SHROOM2: variants seen among roughly 807,000 people sequenced by gnomAD.
The protein encoded by SHROOM2 is protein Shroom2.
Under a neutral mutation model 75.9 loss-of-function variants are expected in SHROOM2, and 33 were observed. The observed-to-expected ratio is 0.43, with a 90% confidence interval of 0.33 to 0.58. SHROOM2 has a LOEUF of 0.58. Among genes scored for constraint, SHROOM2 ranks in the 20% least tolerant of loss-of-function variants. The pLI is 0.04. For missense variants in SHROOM2, 1,434 were observed against 1,461.2 expected, an observed-to-expected ratio of 0.98 and a Z score of 0.30; for synonymous variants, 655 against 663.6, an observed-to-expected ratio of 0.99 and a Z score of 0.20.
intron 1 of SHROOM2, among the ~76,000 whole-genome samples, chrX:9,872,852 A>G (rs747649360): frequency 8.9e-6 from 1 of 112,380 alleles, no homozygotes; most frequent in African/African-American, 3.2e-5. Context: ...TGTAGTTATC[A>G]TAGGGCGCAG....
At chrX:9,821,505 A>G (rs753255027) in intron 1 of SHROOM2, among the ~76,000 whole-genome samples, 42 of 111,169 alleles carry the variant, frequency 3.8e-4, no homozygotes, top group African/African-American at 1.3e-3. Context: ...TGCCCCTGGT[A>G]CCTGGTCTGG....
chrX:9,848,675 C>T (rs764987273), intron 1 of SHROOM2, among the ~76,000 whole-genome samples: 4 of 110,607 alleles, frequency 3.6e-5, no homozygotes, highest in Non-Finnish European at 7.6e-5. Flanking sequence ...AGCCATGCAG[C>T]CCTAAGCATG....
At chrX:9,840,978 G>A (rs2083976318) in intron 1 of SHROOM2, among the ~76,000 whole-genome samples, 1 of 111,955 alleles carries the variant, frequency 8.9e-6, no homozygotes, top group Non-Finnish European at 1.9e-5. Context: ...TTTTGAGAGG[G>A]AGTCTTGCTG....
chrX:9,791,461 C>T (rs200249706), intron 1 of SHROOM2, among the ~76,000 whole-genome samples: 1 of 112,065 alleles, frequency 8.9e-6, no homozygotes, highest in East Asian at 2.8e-4. Context: ...TTCTTGCACA[C>T]CGGGTGCAGC....
chrX:9,931,696 A>G (rs1330048432), intron 5 of SHROOM2, among the ~76,000 whole-genome samples: 1 of 111,373 alleles, frequency 9.0e-6, no homozygotes, highest in Non-Finnish European at 1.9e-5. Context: ...CTGATTTTCA[A>G]GGTTTTATTA....
intron 1 of SHROOM2, among the ~76,000 whole-genome samples, chrX:9,837,094 C>T (rs1003584445): frequency 4.4e-5 from 5 of 112,561 alleles, no homozygotes; most frequent in Non-Finnish European, 7.5e-5. Context: ...GCAGACTGAC[C>T]GCATGGTGCT....
intron 1 of SHROOM2, among the ~76,000 whole-genome samples, chrX:9,822,743 A>G (rs2083859480): frequency 8.9e-6 from 1 of 112,095 alleles, no homozygotes; most frequent in Admixed American, 9.4e-5. Context: ...AATCTGGTGC[A>G]GACCAGCTCC....
At chrX:9,802,925 C>CTTTTTTTTT (rs764750698) in intron 1 of SHROOM2, among the ~76,000 whole-genome samples, 44 of 86,775 alleles carry the variant, frequency 5.1e-4, no homozygotes, top group African/African-American at 1.9e-3. Flanking sequence ...CTGCAGATTT[C>CTTTTTTTTT]TTTTTTTTTT....
chrX:9,926,678 TG>T (rs2084597022), intron 5 of SHROOM2, among the ~76,000 whole-genome samples: 1 of 111,681 alleles, frequency 9.0e-6, no homozygotes, highest in South Asian at 3.8e-4. Flanking sequence ...TGCACATGGG[TG>T]GCAGAGAGAC....
At chrX:9,874,922 T>G in intron 2 of SHROOM2, among the ~76,000 whole-genome samples, 1 of 104,197 alleles carries the variant, frequency 9.6e-6, no homozygotes. Context: ...CTCAAAAAAT[T>G]TTTTTTTAAT....
At chrX:9,801,073 G>T (rs1930635401) in intron 1 of SHROOM2, among the ~76,000 whole-genome samples, 1 of 111,736 alleles carries the variant, frequency 8.9e-6, no homozygotes, top group African/African-American at 3.3e-5. Context: ...AGTTCCATGT[G>T]GCTGGGGAGG....
At chrX:9,934,639 T>C (rs760826136) in intron 6 of SHROOM2, among the ~76,000 whole-genome samples, 44 of 111,460 alleles carry the variant, frequency 3.9e-4, no homozygotes, top group Middle Eastern at 4.6e-3. Context: ...TATTTTGAAG[T>C]CAAGGCTCGT....
rs2147017796 is a variant in SHROOM2 at position 9,895,716 on chromosome X, A to G, written c.1808A>G (p.Glu603Gly). ...EGKRRPESSP[E>G]DSATRPPPFD... The stretch of plus-strand genomic sequence containing the variant: ...AAGCGCCGGCCTGAGAGCAGTCCAG[A>G]GGACAGCGCCACCAGACCGCCACCG... Residue 603 changes from glutamate (E) to glycine (G), a missense_variant, in exon 4 of 10, where the codon GAG becomes GGG. Physicochemically the swap from Glu to Gly is moderately conservative, Grantham distance 98. Coordinates refer to ENST00000380913, the MANE Select transcript of SHROOM2 (RefSeq NM_001649.4). 1.7e-6 allele frequency: 2 copies of G among 1,194,002 alleles called. No individual in the cohort carries two copies. Among genetic ancestry groups the G allele is most frequent in the Non-Finnish European group, 2.3e-6 (2 of 888,223 alleles).
chrX:9,842,252 T>A (rs1044383751), intron 1 of SHROOM2, among the ~76,000 whole-genome samples: 2 of 112,628 alleles, frequency 1.8e-5, no homozygotes, highest in African/African-American at 3.2e-5. Flanking sequence ...TAACTTGTTG[T>A]TTTACTTCAC....
chrX:9,932,148 A>G lies in SHROOM2; in HGVS notation c.2892-27A>G, dbSNP rs372807234. The G allele has an allele frequency of 9.0e-5, 99 of 1,098,958 alleles. No homozygotes were observed. In the African/African-American group the frequency reaches 1.7e-3, roughly 19 times the overall value. The allele number at this position is 1,098,958 out of a possible 1,213,427, so 90.6% of individuals were successfully genotyped here. On this transcript the variant is annotated intron_variant, in intron 5 of 9. Coordinates refer to ENST00000380913, the MANE Select transcript of SHROOM2 (RefSeq NM_001649.4). ...TGGGAAGGTATTATTGGAATCGTTG[A>G]TTAATTTGTACTTGTTCTTCCTCTA...
intron 5 of SHROOM2, among the ~76,000 whole-genome samples, chrX:9,899,916 C>T (rs1397715666): frequency 1.8e-5 from 2 of 112,000 alleles, no homozygotes; most frequent in African/African-American, 3.2e-5. Context: ...TTGCTTTGCC[C>T]GATGCCACCA....
At chrX:9,873,620 G>T (rs1357805379) in intron 1 of SHROOM2, 32 bp from the exon 2 acceptor site, 1 of 1,206,821 alleles carries the variant, frequency 8.3e-7, no homozygotes, top group Non-Finnish European at 1.1e-6. Context: ...GCTGCTCGTG[G>T]AAGGCTCATG....
At chrX:9,871,390 T>TG (rs2084170255) in intron 1 of SHROOM2, among the ~76,000 whole-genome samples, 1 of 111,442 alleles carries the variant, frequency 9.0e-6, no homozygotes, top group East Asian at 2.8e-4. Context: ...TGAAGAAACC[T>TG]GGGGGGAGGG....
chrX:9,913,016 G>A (rs1174640667), intron 5 of SHROOM2: 2 of 112,541 alleles, frequency 1.8e-5, no homozygotes, highest in African/African-American at 6.5e-5. Context: ...AAGCCGTAGA[G>A]CCATCATCTG....
Sources: allele counts gnomAD v4.1 joint callset (sites outside exome capture counted in the v4.1 genomes callset), GRCh38; gene constraint gnomAD v4.1.1; transcripts MANE v1.5; gene names NCBI Gene and HGNC (gene_info 2026-07-23, HGNC 2026-07-21).